Variants in TTC1 observed in about 807,000 individuals in gnomAD.
TTC1 encodes tetratricopeptide repeat domain 1.
Under a neutral mutation model 37.6 loss-of-function variants are expected in TTC1, and 31 were observed. The observed-to-expected ratio is 0.82, with a 90% confidence interval of 0.62 to 1.11. TTC1 has a LOEUF of 1.11. Ranked by LOEUF, TTC1 falls within the 50% of genes most tolerant of loss-of-function variation. The probability of loss-of-function intolerance (pLI) is 0.00; values close to 1 mark genes in which losing one functional copy is unlikely to be tolerated. For missense variants in TTC1, 351 were observed against 339.0 expected, an observed-to-expected ratio of 1.04 and a Z score of -0.28; for synonymous variants, 127 against 122.4, an observed-to-expected ratio of 1.04 and a Z score of -0.25.
chr5:160,030,949 T>C (rs534083069), intron 2 of TTC1, among the ~76,000 whole-genome samples: 5 of 152,294 alleles, frequency 3.3e-5, no homozygotes, highest in African/African-American at 1.2e-4. Context: ...CCAGCTCACA[T>C]ATGTGTGAAT....
intron 7 of TTC1, among the ~76,000 whole-genome samples, chr5:160,063,358 G>T (rs925418561): frequency 6.6e-6 from 1 of 152,154 alleles, no homozygotes; most frequent in Non-Finnish European, 1.5e-5. Context: ...TGTGACAACA[G>T]GTGTGTGCCA....
Position 160,058,414 on chromosome 5 carries a change from T to TCG in TTC1, c.746-6518_746-6517insCG, listed in dbSNP as rs1561640873. ...TAGCCATATGAAGTGTATTTCTTTTTTTTTTTTTTTTTTTGAGACGGAGTC... is the reference window on the plus strand; with the variant it reads ...TAGCCATATGAAGTGTATTTCTTTTTCGTTTTTTTTTTTTTTGAGACGGAGTC... On this transcript the variant is annotated intron_variant, in intron 7 of 7. Transcript: ENST00000231238. Among the ~76,000 whole-genome samples the TCG allele has an allele frequency of 4.4e-3, 660 of 149,900 alleles. 5 individuals are homozygous for TCG. Among genetic ancestry groups the TCG allele is most frequent in the African/African-American group, 0.015 (624 of 40,804 alleles).
chr5:160,031,562 C>T (rs1756909554), intron 2 of TTC1, among the ~76,000 whole-genome samples: 1 of 151,948 alleles, frequency 6.6e-6, no homozygotes, highest in African/African-American at 2.4e-5. Context: ...TGCAGTGAGC[C>T]AAGATCATGC....
At chr5:160,010,300 C>T (rs975000246) in intron 1 of TTC1, among the ~76,000 whole-genome samples, 200 bp from the exon 2 acceptor site, 3 of 147,786 alleles carry the variant, frequency 2.0e-5, no homozygotes, top group African/African-American at 7.5e-5. Flanking sequence ...CCAGATTTGA[C>T]CAGAAAAGGG....
intron 4 of TTC1, among the ~76,000 whole-genome samples, chr5:160,041,113 C>T (rs930317884): frequency 1.3e-5 from 2 of 152,090 alleles, no homozygotes; most frequent in Non-Finnish European, 2.9e-5. Flanking sequence ...AAACTGTCAT[C>T]TCCATCTCCT....
intron 3 of TTC1, among the ~76,000 whole-genome samples, chr5:160,035,414 A>G (rs958446445): frequency 1.3e-5 from 2 of 152,236 alleles, no homozygotes; most frequent in Admixed American, 1.3e-4. Context: ...TGGCACATGC[A>G]TAGTCTTTCT....
At chr5:160,034,159 G>A (rs1320476761) in intron 2 of TTC1, among the ~76,000 whole-genome samples, 8 of 147,622 alleles carry the variant, frequency 5.4e-5, no homozygotes, top group Non-Finnish European at 1.0e-4. Context: ...AGGGACTTTG[G>A]TAGATTTTCT....
chr5:160,045,061 A>T (rs144002748), intron 5 of TTC1, among the ~76,000 whole-genome samples: 3 of 152,232 alleles, frequency 2.0e-5, no homozygotes, highest in African/African-American at 7.2e-5. Context: ...TATTTAACCT[A>T]TTTCCTTTAT....
intron 4 of TTC1, chr5:160,039,350 G>T (rs1395470264): frequency 7.0e-6 from 1 of 143,158 alleles, no homozygotes; most frequent in Non-Finnish European, 1.5e-5. Context: ...AGTTAGATTT[G>T]TTTGTCCTTA....
chr5:160,051,453 T>A (rs1024419897), intron 7 of TTC1, among the ~76,000 whole-genome samples: 1 of 152,240 alleles, frequency 6.6e-6, no homozygotes, highest in Non-Finnish European at 1.5e-5. Flanking sequence ...GGATTATGCT[T>A]AAATGGGATT....
chr5:160,010,579 T>C lies in TTC1; in HGVS notation c.51T>C (p.Gly17=). Residue 17 remains glycine (G), a synonymous_variant, in exon 2 of 8, where the codon GGT becomes GGC. Transcript: ENST00000231238. ...GGGTTCCAGAGGATCTGTTAAATGG[T>C]TTGAAGGTTACAGATACTCAGGAAG... ...NCGVPEDLLN[G]LKVTDTQEAE... 1 of 1,613,974 alleles carries C rather than the reference T, an allele frequency of 6.2e-7. No individual in the cohort carries two copies. The highest frequency in any genetic ancestry group is 8.5e-7 in the Non-Finnish European group (1 of 1,179,992).
At chr5:160,014,513 A>T (rs529575478) in intron 2 of TTC1, among the ~76,000 whole-genome samples, 55 of 150,328 alleles carry the variant, frequency 3.7e-4, no homozygotes, top group African/African-American at 1.3e-3. Context: ...AAAAAAAAAA[A>T]TTTTTTTTTA....
At chr5:160,013,767 T>G (rs1169443957) in intron 2 of TTC1, among the ~76,000 whole-genome samples, 1 of 150,702 alleles carries the variant, frequency 6.6e-6, no homozygotes, top group East Asian at 2.0e-4. Flanking sequence ...AAATACTAAC[T>G]AAAACATTAT....
At chr5:160,041,313 C>CTTTTT (rs368094676) in intron 4 of TTC1, among the ~76,000 whole-genome samples, 7 of 135,596 alleles carry the variant, frequency 5.2e-5, no homozygotes, top group Admixed American at 7.6e-5. Flanking sequence ...TGCTTTCTTT[C>CTTTTT]TTTTTTTTTT....
At chr5:160,041,754 C>G (rs1757099076) in intron 4 of TTC1, among the ~76,000 whole-genome samples, 1 of 152,146 alleles carries the variant, frequency 6.6e-6, no homozygotes, top group Non-Finnish European at 1.5e-5. Context: ...CTCCGTTATA[C>G]TCCTATGGGA....
At chr5:160,062,677 C>G (rs375943209) in intron 7 of TTC1, among the ~76,000 whole-genome samples, 4 of 152,208 alleles carry the variant, frequency 2.6e-5, no homozygotes. Context: ...TAGGCTTCTC[C>G]ACCATGGAGC....
chr5:160,027,395 TC>T (rs1382082807), intron 2 of TTC1, among the ~76,000 whole-genome samples: 1 of 152,240 alleles, frequency 6.6e-6, no homozygotes, highest in African/African-American at 2.4e-5. Context: ...TTAGCATAGC[TC>T]CATTTCCTCT....
At chr5:160,011,901 G>A (rs1756508198) in intron 2 of TTC1, among the ~76,000 whole-genome samples, 1 of 152,196 alleles carries the variant, frequency 6.6e-6, no homozygotes, top group Admixed American at 6.5e-5. Context: ...GCCTAACAGT[G>A]GGGGTGGGAA....
chr5:160,011,908 G>A (rs1485559312), intron 2 of TTC1, among the ~76,000 whole-genome samples: 2 of 152,166 alleles, frequency 1.3e-5, no homozygotes, highest in East Asian at 1.9e-4. Flanking sequence ...AGTGGGGGTG[G>A]GAAGGTAGCC....
Sources: gnomAD v4.1 joint callset for allele counts (sites outside exome capture counted in the v4.1 genomes callset) on GRCh38, gnomAD v4.1.1 for gene constraint, MANE v1.5 for transcripts, NCBI Gene and HGNC (gene_info 2026-07-23, HGNC 2026-07-21) for gene names.